USP32: variants seen among roughly 807,000 people sequenced by gnomAD.
USP32 encodes ubiquitin specific peptidase 32.
Under a neutral mutation model 204.8 loss-of-function variants are expected in USP32, and 59 were observed. The observed-to-expected ratio is 0.29, with a 90% CI of 0.23 to 0.36. The LOEUF (loss-of-function observed/expected upper bound fraction) is 0.36. Ranked by LOEUF, USP32 falls within the 10% of genes least tolerant of loss-of-function variation. The probability of loss-of-function intolerance (pLI) is 1.00; values close to 1 mark genes in which losing one functional copy is unlikely to be tolerated. For missense variants in USP32, 1,160 were observed against 1,946.4 expected (o/e 0.60, Z 7.60); for synonymous variants, 517 against 678.4 (o/e 0.76, Z 3.70).
intron 6 of USP32, 100 bp downstream of exon 6, chr17:60,271,247 TGAG>T: frequency 7.0e-7 from 1 of 1,432,696 alleles, no homozygotes; most frequent in Non-Finnish European, 9.4e-7. Context: ...TGCAAACATA[TGAG>T]AAGATGGTTT....
rs2084162680 is a variant in USP32 at position 60,183,294 on chromosome 17, G to T, written c.3994C>A (p.Leu1332Ile). ...CTTGCCAGAATCCTGGGCTCAGAGA[G>T]CTCATCCCCCTGGGGTGTGAGTGGT... ...HKPLTPQGDE[L>I]SEPRILAREV... Residue 1332 changes from leucine to isoleucine, a missense_variant, in exon 31 of 34, where the codon CTC (leucine) becomes ATC (isoleucine). Physicochemically the swap from Leu to Ile is conservative, Grantham distance 5. Around this residue, in one of 8 missense-constraint regions of USP32, gnomAD observed 244 missense variants for 342.3 expected, o/e 0.71. Coordinates refer to ENST00000300896, the MANE Select transcript of USP32 (RefSeq NM_032582.4). The T allele has an allele frequency of 1.2e-6, 2 of 1,614,006 alleles. No individual in the cohort carries two copies. The highest frequency in any genetic ancestry group is 1.7e-6 in the Non-Finnish European group (2 of 1,179,872).
Position 60,179,109 on chromosome 17 carries a change from T to C in USP32, c.*146A>G. On this transcript the variant is annotated 3_prime_UTR_variant, in exon 34 of 34. Transcript: ENST00000300896. ...ATTACTACTCTTAAAGTTAACTATT[T>C]TAATTAGAATTTTTATTTTGTGCTT... 1.1e-6 allele frequency: 1 copy of C among 938,956 alleles called. No homozygotes were observed. Among genetic ancestry groups the C allele is most frequent in the African/African-American group, 1.7e-5 (1 of 59,738 alleles). 58.2% of individuals were successfully genotyped at this position (938,956 alleles called of 1,614,324 possible).
rs2085277054 is a variant in USP32 at position 60,222,477 on chromosome 17, T to C, written c.1681A>G (p.Met561Val). The stretch of plus-strand genomic sequence containing the variant: ...GCTCTCCACACAGGTTCTGGGACCA[T>C]TTCATAGTCTCTTCCATGAATCAGC... ...PQLIHGRDYE[M>V]VPEPVWRALY... The change falls in exon 15 of 34, where the codon ATG (methionine) becomes GTG (valine). Residue 561 changes from methionine (M) to valine (V), a missense_variant. This residue lies in a region of USP32 where 536 missense variants were observed against 680.9 expected (regional missense o/e 0.79). Transcript: ENST00000300896. 6.2e-7 allele frequency: 1 copy of C among 1,614,060 alleles called. No individual in the cohort carries two copies. The highest frequency in any genetic ancestry group is 1.7e-5 in the Admixed American group (1 of 60,002).
intron 1 of USP32, among the ~76,000 whole-genome samples, chr17:60,377,995 CT>C (rs1177738166): frequency 6.6e-6 from 1 of 152,144 alleles, no homozygotes; most frequent in East Asian, 1.9e-4. Context: ...ATTAATATAT[CT>C]GTAACCCACA....
At chr17:60,272,206 C>T (rs1007883270) in intron 5 of USP32, among the ~76,000 whole-genome samples, 1 of 152,098 alleles carries the variant, frequency 6.6e-6, no homozygotes, top group East Asian at 1.9e-4. Context: ...AATGGCAGGA[C>T]CTATGTCTGA....
chr17:60,311,411 A>AATGAGG (rs1397979016), intron 2 of USP32, among the ~76,000 whole-genome samples: 1 of 152,234 alleles, frequency 6.6e-6, no homozygotes, highest in Non-Finnish European at 1.5e-5. Context: ...CAATGATGTC[A>AATGAGG]TCCCAGTAAA....
chr17:60,199,259 T>A (rs2084610965), intron 26 of USP32, among the ~76,000 whole-genome samples: 1 of 152,220 alleles, frequency 6.6e-6, no homozygotes, highest in African/African-American at 2.4e-5. Context: ...CTAGTAATTC[T>A]ATTTTATAAC....
chr17:60,255,216 T>G lies in USP32; in HGVS notation c.1033A>C (p.Lys345Gln). ...TLEDYQIWSV[K>Q]NVLANEFLNL... ...AAAAACTCATTGGCAAGAACATTTT[T>G]CACACTCCAGATCTGATAGTCTTCC... The change falls in exon 10 of 34, where the codon AAA becomes CAA. Residue 345 changes from lysine to glutamine, a missense_variant. Lys to Gln is a moderately conservative substitution (Grantham distance 53). This residue lies in a region of USP32 where 536 missense variants were observed against 680.9 expected (regional missense o/e 0.79). Transcript: ENST00000300896. 1 of 1,613,676 alleles carries G rather than the reference T, an allele frequency of 6.2e-7. No individual in the cohort carries two copies. Among genetic ancestry groups the G allele is most frequent in the Non-Finnish European group, 8.5e-7 (1 of 1,179,870 alleles).
At position 60,222,464 on chromosome 17, in the gene USP32, G is replaced by A. The variant is rs1188928043; in HGVS notation, c.1694C>T (p.Pro565Leu). The change falls in exon 15 of 34, where the codon CCT (proline) becomes CTT (leucine). Residue 565 changes from proline (P) to leucine (L), a missense_variant. By Grantham distance (98) the Pro-to-Leu change is moderately conservative (BLOSUM62 -3). Around this residue, in one of 8 missense-constraint regions of USP32, gnomAD observed 536 missense variants for 680.9 expected, o/e 0.79. Coordinates refer to ENST00000300896, the MANE Select transcript of USP32 (RefSeq NM_032582.4). ...HGRDYEMVPE[P>L]VWRALYHWYG... ...CCAGTGATAAAGTGCTCTCCACACAGGTTCTGGGACCATTTCATAGTCTCT... is the reference window on the plus strand; with the variant it reads ...CCAGTGATAAAGTGCTCTCCACACAAGTTCTGGGACCATTTCATAGTCTCT... The A allele has an allele frequency of 6.2e-7, 1 of 1,613,996 alleles. No homozygotes were observed. The highest frequency in any genetic ancestry group is 1.3e-5 in the African/African-American group (1 of 74,922).
At chr17:60,207,773 T>C in intron 24 of USP32, 1 of 255,102 alleles carries the variant, frequency 3.9e-6, no homozygotes, top group Non-Finnish European at 7.2e-6. Context: ...CAGCAGTCTT[T>C]GGTGGAAACC....
chr17:60,239,085 T>C (rs773586367), intron 11 of USP32, among the ~76,000 whole-genome samples: 1 of 152,182 alleles, frequency 6.6e-6, no homozygotes, highest in Non-Finnish European at 1.5e-5. Flanking sequence ...TTTGAGGAAA[T>C]AGTTTTGTTA....
At chr17:60,259,355 A>G (rs1378090146) in intron 9 of USP32, among the ~76,000 whole-genome samples, 1 of 152,174 alleles carries the variant, frequency 6.6e-6, no homozygotes, top group African/African-American at 2.4e-5. Context: ...TGTATTGTAA[A>G]CAATTCACGT....
Position 60,178,666 on chromosome 17 carries a change from C to A in USP32, c.*589G>T, listed in dbSNP as rs1008769954. 6.6e-6 allele frequency among the ~76,000 whole-genome samples: 1 copy of A among 151,974 alleles called. No individual in the cohort carries two copies. The highest frequency in any genetic ancestry group is 6.6e-5 in the Admixed American group (1 of 15,260). ...GGTTGTGTCTCAAACATAAATACAA[C>A]GGCAAAAACAAAAAGCAAGAAAGAC... On this transcript the variant is annotated 3_prime_UTR_variant, in exon 34 of 34. Coordinates refer to ENST00000300896, the MANE Select transcript of USP32 (RefSeq NM_032582.4).
chr17:60,282,042 C>G (rs901873489), intron 5 of USP32, among the ~76,000 whole-genome samples: 2 of 152,102 alleles, frequency 1.3e-5, no homozygotes, highest in African/African-American at 4.8e-5. Flanking sequence ...AACTAAGATG[C>G]CAGCAAATAA....
intron 3 of USP32, among the ~76,000 whole-genome samples, chr17:60,296,680 A>G (rs2087437609): frequency 6.6e-6 from 1 of 152,220 alleles, no homozygotes; most frequent in Non-Finnish European, 1.5e-5. Context: ...AACTTTAAAA[A>G]TATGTGTTTG....
At chr17:60,395,301 A>G (rs2089893734), upstream of USP32, among the ~76,000 whole-genome samples, 1 of 152,234 alleles carries the variant, frequency 6.6e-6, no homozygotes, top group Non-Finnish European at 1.5e-5. Context: ...CCATGGATTA[A>G]GCACTTCTAA....
At chr17:60,401,125 C>A (rs1255182589) in intron 1 of USP32, among the ~76,000 whole-genome samples, 2 of 151,648 alleles carry the variant, frequency 1.3e-5, no homozygotes, top group East Asian at 1.9e-4. Context: ...CACTGCACTC[C>A]AACCTGGGTG....
intron 1 of USP32, among the ~76,000 whole-genome samples, chr17:60,386,403 G>A (rs910174831): frequency 6.7e-6 from 1 of 150,244 alleles, no homozygotes; most frequent in African/African-American, 2.4e-5. Flanking sequence ...CACTGCAGCT[G>A]TTTAACATTA....
chr17:60,407,537 T>C (rs1269833826), intron 1 of USP32, among the ~76,000 whole-genome samples: 2 of 151,970 alleles, frequency 1.3e-5, no homozygotes, highest in African/African-American at 4.8e-5. Flanking sequence ...AACATCAAAC[T>C]AATCCAAAAG....
Sources: allele counts gnomAD v4.1 joint callset (sites outside exome capture counted in the v4.1 genomes callset), GRCh38; gene constraint gnomAD v4.1.1; regional missense constraint gnomAD v4.1.1; transcripts MANE v1.5; gene names NCBI Gene and HGNC (gene_info 2026-07-23, HGNC 2026-07-21).